Variants in MET observed in about 807,000 individuals in gnomAD.
MET encodes hepatocyte growth factor receptor.
A neutral mutation model predicts 133.1 loss-of-function variants in MET; 48 were observed. The observed-to-expected ratio is 0.36, with a 90% CI of 0.29 to 0.46. MET has a LOEUF of 0.46. Ranked by LOEUF, MET falls within the 20% of genes least tolerant of loss-of-function variation. MET has a pLI of 1.00. For synonymous variants in MET, 628 were observed against 616.5 expected, an observed-to-expected ratio of 1.02 and a Z score of -0.28; for missense variants, 1,442 against 1,695.9, an observed-to-expected ratio of 0.85 and a Z score of 2.63.
intron 15 of MET, among the ~76,000 whole-genome samples, chr7:116,775,404 C>G (rs1794963019): frequency 6.6e-6 from 1 of 152,154 alleles, no homozygotes; most frequent in South Asian, 2.1e-4. Context: ...GTGCCATTTA[C>G]TTTCTTCTAA....
intron 19 of MET, among the ~76,000 whole-genome samples, chr7:116,793,986 A>G (rs1425232145): frequency 1.3e-5 from 2 of 151,610 alleles, no homozygotes; most frequent in Non-Finnish European, 2.9e-5. Flanking sequence ...CTGCCCTCAT[A>G]TTACCTGCAC....
At position 116,797,171 on chromosome 7, in the gene MET, A is replaced by AT; in HGVS notation, c.*1054dup. On this transcript the variant is annotated 3_prime_UTR_variant, in exon 21 of 21. Coordinates refer to ENST00000397752, the MANE Select transcript of MET (RefSeq NM_000245.4). ...GTGAACATGTAGATGTTTTGTGTGT[A>AT]TTTTTTTAAATGAAAACTCAAAATA... is the stretch of plus-strand genomic sequence containing the variant. 1 of 202,156 alleles carries AT rather than the reference A, an allele frequency of 4.9e-6. No homozygotes were observed. The highest frequency in any genetic ancestry group is 1.0e-5 in the Non-Finnish European group (1 of 98,290). 12.5% of individuals were successfully genotyped at this position (202,156 alleles called of 1,614,324 possible).
At chr7:116,743,837 G>A (rs926790715) in intron 5 of MET, among the ~76,000 whole-genome samples, 2 of 152,210 alleles carry the variant, frequency 1.3e-5, no homozygotes, top group Non-Finnish European at 2.9e-5. Context: ...TCCAGAGGAA[G>A]GAATAGGCAG....
At chr7:116,753,551 G>A (rs991206925) in intron 5 of MET, among the ~76,000 whole-genome samples, 4 of 152,086 alleles carry the variant, frequency 2.6e-5, no homozygotes, top group African/African-American at 9.7e-5. Flanking sequence ...CCAGAAATGA[G>A]TCTGCAATAA....
chr7:116,691,694 G>A (rs1796783223), intron 1 of MET, among the ~76,000 whole-genome samples: 2 of 152,082 alleles, frequency 1.3e-5, no homozygotes, highest in South Asian at 2.1e-4. Context: ...TCCACATAGT[G>A]GCAAAGATGG....
chr7:116,724,436 G>A lies in MET; in HGVS notation c.1201-7232G>A, dbSNP rs560720032. Reference sequence around the variant, plus strand: ...GCAGAAATCACCCGTCTTCTGCGTCGCTCACGCTGGGAGCTGTAGACCGGA... The same window carrying A: ...GCAGAAATCACCCGTCTTCTGCGTCACTCACGCTGGGAGCTGTAGACCGGA... On this transcript the variant is annotated intron_variant, in intron 2 of 20. Coordinates refer to ENST00000397752, the MANE Select transcript of MET (RefSeq NM_000245.4). Among the ~76,000 whole-genome samples, 27 of 152,326 alleles carry A rather than the reference G, an allele frequency of 1.8e-4. 1 individual carries two copies. In the South Asian group the frequency reaches 5.2e-3, roughly 29 times the overall value.
At chr7:116,772,941 A>G (rs1794879050) in intron 14 of MET, among the ~76,000 whole-genome samples, 1 of 152,136 alleles carries the variant, frequency 6.6e-6, no homozygotes. Context: ...GAAAAATCAA[A>G]CCTAGTTTAT....
At chr7:116,721,253 G>A (rs1269459319) in intron 2 of MET, among the ~76,000 whole-genome samples, 1 of 152,326 alleles carries the variant, frequency 6.6e-6, no homozygotes, top group Non-Finnish European at 1.5e-5. Flanking sequence ...ATTTCTTCTA[G>A]ATTTTCTAGT....
At chr7:116,745,219 C>G (rs1261051921) in intron 5 of MET, among the ~76,000 whole-genome samples, 1 of 152,112 alleles carries the variant, frequency 6.6e-6, no homozygotes. Context: ...ATCCAACTTA[C>G]AAGGGATGTG....
At position 116,741,012 on chromosome 7, in the gene MET, C is replaced by CTGCAA; in HGVS notation, c.1690_1694dup (p.Ile565MetfsTer19). On this transcript the variant is annotated frameshift_variant, in exon 5 of 21. Transcript: ENST00000397752. LOFTEE classifies it high-confidence loss of function. ...ACATGGACTCAACAGATCTGTCTGC[C>CTGCAA]TGCAATCTACAAGGTAGGAATCTCT... The CTGCAA allele has an allele frequency of 6.2e-7, 1 of 1,612,892 alleles. No individual in the cohort carries two copies. The highest frequency in any genetic ancestry group is 8.5e-7 in the Non-Finnish European group (1 of 1,179,902).
At chr7:116,732,199 A>C (rs1263833705) in intron 3 of MET, among the ~76,000 whole-genome samples, 1 of 152,158 alleles carries the variant, frequency 6.6e-6, no homozygotes, top group Admixed American at 6.6e-5. Context: ...ATTTCAAGGG[A>C]AGCTACAGAT....
chr7:116,711,644 G>C (rs1225103516), intron 2 of MET, among the ~76,000 whole-genome samples: 1 of 150,464 alleles, frequency 6.6e-6, no homozygotes, highest in East Asian at 1.9e-4. Flanking sequence ...TTTTTGTTTA[G>C]TGTATTGACA....
At chr7:116,763,820 C>T (rs979023618) in intron 11 of MET, among the ~76,000 whole-genome samples, 11 of 152,140 alleles carry the variant, frequency 7.2e-5, no homozygotes, top group African/African-American at 2.2e-4. Flanking sequence ...AAACAAAGAA[C>T]ACTAAGACCC....
intron 19 of MET, among the ~76,000 whole-genome samples, chr7:116,791,473 G>A (rs1483011496): frequency 1.3e-5 from 2 of 151,990 alleles, no homozygotes; most frequent in African/African-American, 4.8e-5. Context: ...CTTTTCATGA[G>A]CTTATTTGCC....
At chr7:116,779,077 A>G (rs529499199) in intron 17 of MET, 120 bp downstream of exon 17, 78 of 1,016,136 alleles carry the variant, frequency 7.7e-5, no homozygotes, top group Non-Finnish European at 1.0e-4. Flanking sequence ...TTAAAATGTT[A>G]GCATCATTCA....
At chr7:116,740,804 C>T in intron 4 of MET, 48 bp from the exon 5 acceptor site, 1 of 1,606,412 alleles carries the variant, frequency 6.2e-7, no homozygotes, top group Non-Finnish European at 8.5e-7. Flanking sequence ...AATTAATTAA[C>T]AAACTAGATA....
At chr7:116,717,193 C>A (rs1792276656) in intron 2 of MET, among the ~76,000 whole-genome samples, 1 of 152,160 alleles carries the variant, frequency 6.6e-6, no homozygotes, top group Non-Finnish European at 1.5e-5. Flanking sequence ...TTAAGGACCC[C>A]AAAGAGAAGG....
intron 19 of MET, among the ~76,000 whole-genome samples, chr7:116,789,728 G>A (rs1001317171): frequency 3.3e-5 from 5 of 152,100 alleles, no homozygotes; most frequent in African/African-American, 4.8e-5. Context: ...CCATGTTGTC[G>A]TATCAGTAGT....
At chr7:116,776,226 CT>C (rs1404140529) in intron 15 of MET, among the ~76,000 whole-genome samples, 1 of 152,230 alleles carries the variant, frequency 6.6e-6, no homozygotes, top group East Asian at 1.9e-4. Flanking sequence ...GGCCTTCTCA[CT>C]TTCCTGTGGT....
Sources: allele counts gnomAD v4.1 joint callset (sites outside exome capture counted in the v4.1 genomes callset), GRCh38; gene constraint gnomAD v4.1.1; transcripts MANE v1.5; gene names NCBI Gene and HGNC (gene_info 2026-07-23, HGNC 2026-07-21).